Variants in RYR3 observed in about 807,000 individuals in gnomAD.
RYR3 encodes the protein ryanodine receptor 3, also known as brain ryanodine receptor-calcium release channel.
A neutral mutation model predicts 584.3 loss-of-function variants in RYR3; 207 were observed. That is an observed-to-expected ratio of 0.35 (90% confidence interval 0.32 to 0.40). The LOEUF (loss-of-function observed/expected upper bound fraction) is 0.40. Ranked by LOEUF, RYR3 falls within the 10% of genes least tolerant of loss-of-function variation. The pLI is 1.00. For missense variants in RYR3, 5,616 were observed against 6,089.2 expected, an observed-to-expected ratio of 0.92 and a Z score of 2.59; for synonymous variants, 2,416 against 2,248.5, an observed-to-expected ratio of 1.07 and a Z score of -2.11.
chr15:33,761,331 G>T (rs2072418196), intron 60 of RYR3, among the ~76,000 whole-genome samples: 2 of 151,968 alleles, frequency 1.3e-5, no homozygotes, highest in South Asian at 4.2e-4. Context: ...TTTTTGAAAA[G>T]ATTAACAAAA....
At chr15:33,728,168 A>G (rs1043884727) in intron 46 of RYR3, among the ~76,000 whole-genome samples, 1 of 152,216 alleles carries the variant, frequency 6.6e-6, no homozygotes, top group Non-Finnish European at 1.5e-5. Flanking sequence ...TCGAGCCCTG[A>G]TTCCTAGCAT....
chr15:33,816,418 G>A lies in RYR3; in HGVS notation c.10503-444G>A, dbSNP rs544734384. Among the ~76,000 whole-genome samples, 5 of 152,260 alleles carry A rather than the reference G, an allele frequency of 3.3e-5. No individual in the cohort carries two copies. In the South Asian group the frequency reaches 1.0e-3, roughly 32 times the overall value. Reference sequence around the variant, plus strand: ...GGAGAATGAAAAGAAGCCACATTTTGGTATTTTGGTATCTCTAAGATGAAA... The same window carrying A: ...GGAGAATGAAAAGAAGCCACATTTTAGTATTTTGGTATCTCTAAGATGAAA... On this transcript the variant is annotated intron_variant, in intron 74 of 103. Coordinates refer to ENST00000634891, the MANE Select transcript of RYR3 (RefSeq NM_001036.6).
chr15:33,336,532 G>A (rs55981200), intron 1 of RYR3, among the ~76,000 whole-genome samples: 3,931 of 21,954 alleles, frequency 0.18, 1,454 homozygotes, highest in African/African-American at 0.48. Flanking sequence ...GAGGGAAGGA[G>A]GGAAGGAGGG....
intron 57 of RYR3, among the ~76,000 whole-genome samples, chr15:33,753,303 A>G (rs939498539): frequency 6.6e-6 from 1 of 152,234 alleles, no homozygotes; most frequent in African/African-American, 2.4e-5. Flanking sequence ...CAGTCTTGGA[A>G]CAAAGGGAAT....
chr15:33,479,034 T>A (rs2049703823), intron 2 of RYR3, among the ~76,000 whole-genome samples: 1 of 152,190 alleles, frequency 6.6e-6, no homozygotes, highest in Non-Finnish European at 1.5e-5. Flanking sequence ...TTGTTCAAAC[T>A]GAAAAATACA....
In RYR3 at chr15:33,562,855, G is replaced by A. The variant is rs1488578809; in HGVS notation, c.991G>A (p.Asp331Asn). ...RASKELKEKL[D>N]SSHKRDIEGM... ...GAATTAGGAACTCAAGGAGAAATTAGACTCCAGTCACAAGCGAGACATAGA... is the reference window on the plus strand; with the variant it reads ...GAATTAGGAACTCAAGGAGAAATTAAACTCCAGTCACAAGCGAGACATAGA... Residue 331 changes from aspartate to asparagine, a missense_variant, in exon 11 of 104, where the codon GAC becomes AAC. Asp to Asn is a conservative substitution (Grantham distance 23, BLOSUM62 1). Coordinates refer to ENST00000634891, the MANE Select transcript of RYR3 (RefSeq NM_001036.6). 7 of 1,612,304 alleles carry A rather than the reference G, an allele frequency of 4.3e-6. No individual in the cohort carries two copies. The highest frequency in any genetic ancestry group is 5.1e-6 in the Non-Finnish European group (6 of 1,178,838).
At chr15:33,639,569 G>A (rs576142933) in intron 27 of RYR3, among the ~76,000 whole-genome samples, 127 of 152,156 alleles carry the variant, frequency 8.3e-4, no homozygotes, top group African/African-American at 2.7e-3. Flanking sequence ...CCCCCACCCC[G>A]TAAAGCAAAA....
rs202238824 is a variant in RYR3 at position 33,857,965 on chromosome 15, G to A, written c.14142+51G>A. On this transcript the variant is annotated intron_variant, in intron 99 of 103. Transcript: ENST00000634891. ...AGCCCACCCACTGCGGGGCCACCCC[G>A]CCCCACCACCTCACTGGGAAGAAGG... 2.3e-4 allele frequency: 377 copies of A among 1,604,898 alleles called. No homozygotes were observed. The Middle Eastern group carries it at 4.2e-3, about 18-fold the overall frequency.
At chr15:33,611,547 C>T (rs575235145) in intron 18 of RYR3, among the ~76,000 whole-genome samples, 12 of 148,888 alleles carry the variant, frequency 8.1e-5, no homozygotes, top group Admixed American at 7.3e-4. Context: ...CAGAGTGAGA[C>T]TCTGTCTCCA....
chr15:33,355,935 T>G (rs1973912384), intron 1 of RYR3, among the ~76,000 whole-genome samples: 1 of 152,230 alleles, frequency 6.6e-6, no homozygotes, highest in Non-Finnish European at 1.5e-5. Flanking sequence ...ACTTGTTAAG[T>G]GCCTGCTTCA....
At chr15:33,810,864 T>C (rs1567219719) in intron 71 of RYR3, 114 bp from the exon 72 acceptor site, 1 of 1,129,272 alleles carries the variant, frequency 8.9e-7, no homozygotes, top group Non-Finnish European at 1.3e-6. Flanking sequence ...TTTCTTTTGT[T>C]CTTCTGATAA....
Position 33,750,023 on chromosome 15 carries a change from C to G in RYR3, c.8244C>G (p.Ala2748=), listed in dbSNP as rs1033099305. The change falls in exon 56 of 104, where the codon GCC becomes GCG. Residue 2748 remains alanine, a synonymous_variant. Transcript: ENST00000634891. ...VVAENYHNIW[A]KKKKLELESK... is the part of the protein sequence containing the mutation. The stretch of plus-strand genomic sequence containing the variant: ...CTGAGAACTATCACAATATCTGGGC[C>G]AAGAAGAAGAAGCTGGAGCTGGAGA... The G allele has an allele frequency of 5.0e-6, 8 of 1,612,280 alleles. No homozygotes were observed. In the African/African-American group the frequency reaches 9.4e-5, roughly 19 times the overall value.
rs150071524 is a variant in RYR3 at position 33,755,349 on chromosome 15, T to A, written c.8515+169T>A. Among the ~76,000 whole-genome samples the A allele has an allele frequency of 2.9e-3, 441 of 152,232 alleles. 5 individuals are homozygous for A. The highest frequency in any genetic ancestry group is 0.01 in the African/African-American group (417 of 41,544). ...AAAAAAAATCAATCCGGCCGGGCGC[T>A]GTGGCTCACACCTGTAATCCCAGCA... On this transcript the variant is annotated intron_variant, in intron 58 of 103. Coordinates refer to ENST00000634891, the MANE Select transcript of RYR3 (RefSeq NM_001036.6).
In RYR3 at chr15:33,469,376, C is replaced by T. The variant is rs1017507400; in HGVS notation, c.52-4043C>T. Among the ~76,000 whole-genome samples the T allele has an allele frequency of 3.3e-5, 5 of 151,788 alleles. No individual in the cohort carries two copies. The South Asian group carries it at 1.0e-3, about 32-fold the overall frequency. ...AGGAAGTTTATGTTTTTTGAGAGTG[C>T]CATTGAGGATTTTCAGCAAGAAAAT... On this transcript the variant is annotated intron_variant, in intron 1 of 103. Transcript: ENST00000634891.
intron 72 of RYR3, 66 bp downstream of exon 72, chr15:33,811,103 T>C: frequency 1.5e-6 from 2 of 1,319,550 alleles, no homozygotes; most frequent in Non-Finnish European, 2.1e-6. Context: ...GTTCCAGCTT[T>C]TCACTTCATT....
chr15:33,555,188 G>A (rs1035373739), intron 10 of RYR3, among the ~76,000 whole-genome samples: 4 of 152,172 alleles, frequency 2.6e-5, no homozygotes, highest in Non-Finnish European at 5.9e-5. Flanking sequence ...CGTTTCACAT[G>A]CCCTTTAACC....
In RYR3 at chr15:33,813,455, A is replaced by G; in HGVS notation, c.10390-12A>G. The G allele has an allele frequency of 6.2e-7, 1 of 1,608,838 alleles. No individual in the cohort carries two copies. ...AGCCTAATGTGCACCAACCGATGTG[A>G]TCTCTTCTCAGGTGGAACAGCCTTT... is the stretch of plus-strand genomic sequence containing the variant. On this transcript the variant is annotated splice_polypyrimidine_tract_variant and intron_variant, in intron 73 of 103. Transcript: ENST00000634891.
intron 10 of RYR3, among the ~76,000 whole-genome samples, chr15:33,558,358 G>T: frequency 1.2e-5 from 1 of 84,914 alleles, no homozygotes; most frequent in Admixed American, 1.5e-4. Context: ...TTGGTTTTTT[G>T]TCCTTGCAAT....
chr15:33,857,732 G>T (rs1476708168), intron 98 of RYR3, 48 bp from the exon 99 acceptor site: 2 of 1,610,156 alleles, frequency 1.2e-6, no homozygotes, highest in South Asian at 1.1e-5. Flanking sequence ...ACCTTTCAAG[G>T]TAGAGAAGAC....
Sources: allele counts gnomAD v4.1 joint callset (sites outside exome capture counted in the v4.1 genomes callset), GRCh38; gene constraint gnomAD v4.1.1; transcripts MANE v1.5; gene names NCBI Gene and HGNC (gene_info 2026-07-23, HGNC 2026-07-21).